Variants in PLEKHG1 observed in about 807,000 individuals in gnomAD.
PLEKHG1 encodes the protein pleckstrin homology domain-containing family G member 1.
Under a neutral mutation model 100.8 loss-of-function variants are expected in PLEKHG1, and 44 were observed. The observed-to-expected ratio is 0.44, with a 90% CI of 0.34 to 0.56. The LOEUF is 0.56. PLEKHG1 is among the 20% of genes least tolerant of loss of function. PLEKHG1 has a pLI of 0.01. For missense variants in PLEKHG1, 1,545 were observed against 1,720.9 expected, an observed-to-expected ratio of 0.90 and a Z score of 1.81; for synonymous variants, 640 against 662.5, an observed-to-expected ratio of 0.97 and a Z score of 0.52.
At chr6:150,808,995 C>A in intron 7 of PLEKHG1, 110 bp from the exon 9 acceptor site, 2 of 800,626 alleles carry the variant, frequency 2.5e-6, no homozygotes, top group South Asian at 3.5e-5. Context: ...ATAGTTAGAC[C>A]CCCTCAGGGA....
chr6:150,796,167 A>G (rs1189095499), intron 5 of PLEKHG1, among the ~76,000 whole-genome samples: 2 of 152,238 alleles, frequency 1.3e-5, no homozygotes, highest in Non-Finnish European at 2.9e-5. Flanking sequence ...TATCTCCAAA[A>G]GGAAACTAAG....
At position 150,831,569 on chromosome 6, in the gene PLEKHG1, T is replaced by G; in HGVS notation, c.2458T>G (p.Leu820Val). Residue 820 changes from leucine (L) to valine (V), a missense_variant, in exon 15 of 16, where the codon TTG (leucine) becomes GTG (valine). By Grantham distance (32) the Leu-to-Val change is conservative (BLOSUM62 1). Transcript: ENST00000358517. This position sits in a 1 kb window ranked among gnomAD's most constrained non-coding sequence, Gnocchi z 4.1. ...GCTGTATGACTCTCCCAGTGGTAAC[T>G]TGTCTATGCCTCATAAGCCTGTATC... 6.2e-7 allele frequency: 1 copy of G among 1,614,194 alleles called. No individual in the cohort carries two copies. The highest frequency in any genetic ancestry group is 8.5e-7 in the Non-Finnish European group (1 of 1,180,036).
chr6:150,755,837 A>T (rs1783807701), intron 2 of PLEKHG1, among the ~76,000 whole-genome samples: 1 of 152,186 alleles, frequency 6.6e-6, no homozygotes, highest in Non-Finnish European at 1.5e-5. Context: ...GTCCTGGGAA[A>T]GCAAATTTAC....
At chr6:150,720,167 G>C (rs1781606955), upstream of PLEKHG1, among the ~76,000 whole-genome samples, 2 of 152,184 alleles carry the variant, frequency 1.3e-5, no homozygotes, top group Non-Finnish European at 2.9e-5. Context: ...GAGTTCCACA[G>C]TGCAGTGGTA....
intron 2 of PLEKHG1, among the ~76,000 whole-genome samples, chr6:150,748,457 C>T (rs1223669095): frequency 1.3e-5 from 2 of 152,102 alleles, no homozygotes; most frequent in Non-Finnish European, 2.9e-5. Flanking sequence ...TCCTCACACT[C>T]AGCACTGTCT....
intron 2 of PLEKHG1, among the ~76,000 whole-genome samples, chr6:150,764,620 T>C (rs1487334551): frequency 6.6e-6 from 1 of 152,228 alleles, no homozygotes; most frequent in Non-Finnish European, 1.5e-5. Flanking sequence ...CCCTGACATC[T>C]GGCTGGCCTG....
intron 10 of PLEKHG1, 63 bp from the exon 12 acceptor site, chr6:150,818,120 G>A: frequency 2.5e-6 from 3 of 1,201,306 alleles, no homozygotes; most frequent in Non-Finnish European, 3.7e-6. Context: ...GATCTGTGTT[G>A]AGATTTGGAG....
chr6:150,767,078 T>A (rs1562500208), intron 2 of PLEKHG1, among the ~76,000 whole-genome samples: 1 of 152,258 alleles, frequency 6.6e-6, no homozygotes, highest in African/African-American at 2.4e-5. Context: ...TGAGTATTAG[T>A]CCATCCTTTT....
At chr6:150,707,948 C>T (rs1781090701) in intron 3 of PLEKHG1, among the ~76,000 whole-genome samples, 1 of 152,160 alleles carries the variant, frequency 6.6e-6, no homozygotes, top group African/African-American at 2.4e-5. Flanking sequence ...GCCCTTCCAC[C>T]CACACTGTAC....
intron 2 of PLEKHG1, among the ~76,000 whole-genome samples, chr6:150,739,360 A>AT (rs1258768722): frequency 6.6e-6 from 1 of 152,108 alleles, no homozygotes; most frequent in Non-Finnish European, 1.5e-5. Context: ...CATAAAGTGT[A>AT]TTTTAAAAAA....
chr6:150,780,900 G>A (rs1785271269), intron 3 of PLEKHG1, among the ~76,000 whole-genome samples: 1 of 151,830 alleles, frequency 6.6e-6, no homozygotes, highest in African/African-American at 2.4e-5. Flanking sequence ...CTGAGACAGA[G>A]TCTCACTCTG....
At chr6:150,664,132 C>G (rs1779311954) in intron 3 of PLEKHG1, 1 of 152,274 alleles carries the variant, frequency 6.6e-6, no homozygotes. Flanking sequence ...TGGCTTCTTT[C>G]TCAGGCAGTT....
At chr6:150,698,827 G>A (rs1272647165) in intron 3 of PLEKHG1, among the ~76,000 whole-genome samples, 2 of 152,146 alleles carry the variant, frequency 1.3e-5, no homozygotes, top group Non-Finnish European at 2.9e-5. Flanking sequence ...ATTTGTATCT[G>A]CAAATGATTC....
Position 150,779,344 on chromosome 6 carries a change from G to GTTTGTTTTTT in PLEKHG1, c.513-7043_513-7042insGTTTTTTTTT, listed in dbSNP as rs1257363893. On this transcript the variant is annotated intron_variant, in intron 3 of 15. Transcript: ENST00000358517. ...ACAGGGGGTTAAATATTGTCAAGAA[G>GTTTGTTTTTT]TTTTTTTTTTTTTTTTTTTGAGACA... Among the ~76,000 whole-genome samples, 16 of 104,532 alleles carry GTTTGTTTTTT rather than the reference G, an allele frequency of 1.5e-4. 2 individuals carry two copies. The highest frequency in any genetic ancestry group is 3.0e-4 in the African/African-American group (7 of 23,228). 68.6% of individuals were successfully genotyped at this position (104,532 alleles called of 152,430 possible).
intron 2 of PLEKHG1, among the ~76,000 whole-genome samples, chr6:150,754,357 C>T (rs760963375): frequency 3.3e-5 from 5 of 151,966 alleles, no homozygotes; most frequent in African/African-American, 7.3e-5. Context: ...CCAGGAAGGT[C>T]GGGAGGGATT....
intron 3 of PLEKHG1, among the ~76,000 whole-genome samples, chr6:150,770,601 G>A (rs1222945341): frequency 6.6e-6 from 1 of 152,178 alleles, no homozygotes; most frequent in South Asian, 2.1e-4. Flanking sequence ...GGAATGTGCA[G>A]CCATGGTTGA....
At chr6:150,771,595 G>C (rs1300128748) in intron 3 of PLEKHG1, among the ~76,000 whole-genome samples, 1 of 151,676 alleles carries the variant, frequency 6.6e-6, no homozygotes, top group Non-Finnish European at 1.5e-5. Context: ...GCCCAGGCTG[G>C]AGTGCAGTGG....
chr6:150,835,488 G>A (rs1383860763), intron 15 of PLEKHG1, among the ~76,000 whole-genome samples: 2 of 152,124 alleles, frequency 1.3e-5, no homozygotes, highest in African/African-American at 2.4e-5. Flanking sequence ...ATTTTTGTCT[G>A]AGATCATAAG....
intron 2 of PLEKHG1, among the ~76,000 whole-genome samples, chr6:150,750,412 C>A (rs1783438261): frequency 6.6e-6 from 1 of 152,124 alleles, no homozygotes; most frequent in Non-Finnish European, 1.5e-5. Context: ...GGTCCGTTTT[C>A]CTTGAAGTTC....
Sources: gnomAD v4.1 joint callset for allele counts (sites outside exome capture counted in the v4.1 genomes callset) on GRCh38, gnomAD v4.1.1 for gene constraint, Gnocchi (gnomAD v3.1) non-coding constraint, MANE v1.5 for transcripts, NCBI Gene and HGNC (gene_info 2026-07-23, HGNC 2026-07-21) for gene names.